FHIT: variants seen among roughly 807,000 people sequenced by gnomAD.
The protein encoded by FHIT is fragile histidine triad diadenosine triphosphatase.
In FHIT, 19 loss-of-function variants were observed where a neutral mutation model predicts 17.9. The observed-to-expected ratio is 1.06, with a 90% CI of 0.74 to 1.56. FHIT has a LOEUF of 1.56. Ranked by LOEUF, FHIT falls within the 40% of genes most tolerant of loss-of-function variation. The pLI is 0.00. For synonymous variants in FHIT, 81 were observed against 69.7 expected (o/e 1.16, Z -0.81); for missense variants, 248 against 189.2 (o/e 1.31, Z -1.82).
intron 4 of FHIT, among the ~76,000 whole-genome samples, chr3:60,704,015 C>T (rs1488814867): frequency 2.0e-5 from 3 of 151,820 alleles, no homozygotes; most frequent in African/African-American, 4.8e-5. Flanking sequence ...TCTAGCCGTA[C>T]CAGTATTGAT....
At chr3:60,658,883 G>A (rs1553690337) in intron 4 of FHIT, among the ~76,000 whole-genome samples, 1 of 151,070 alleles carries the variant, frequency 6.6e-6, no homozygotes, top group African/African-American at 2.4e-5. Context: ...GTTACTATTA[G>A]TGTCCTTTCA....
intron 5 of FHIT, among the ~76,000 whole-genome samples, chr3:60,344,793 T>C (rs1182970102): frequency 3.3e-5 from 5 of 152,142 alleles, no homozygotes; most frequent in African/African-American, 1.2e-4. Context: ...CTTTGGAAAC[T>C]GGTATCAAAT....
At position 60,800,139 on chromosome 3, in the gene FHIT, G is replaced by C. The variant is rs1027267845; in HGVS notation, c.-18+21780C>G. Among the ~76,000 whole-genome samples the C allele has an allele frequency of 2.0e-5, 3 of 152,116 alleles. No homozygotes were observed. In the East Asian group the frequency reaches 5.8e-4, roughly 29 times the overall value. ...CCCACTCAGATCCTTTATTCATGCT[G>C]TATTTCCAAGCTGAATTTCCTTCCC... On this transcript the variant is annotated intron_variant, in intron 4 of 9. Transcript: ENST00000492590.
intron 5 of FHIT, among the ~76,000 whole-genome samples, chr3:60,501,163 T>C (rs1355690030): frequency 1.3e-5 from 2 of 152,206 alleles, no homozygotes; most frequent in Non-Finnish European, 2.9e-5. Flanking sequence ...CAAGCCATTC[T>C]GTAAAATAGG....
intron 3 of FHIT, among the ~76,000 whole-genome samples, chr3:60,911,012 G>A (rs182496684): frequency 1.3e-5 from 2 of 152,232 alleles, no homozygotes; most frequent in East Asian, 3.9e-4. Context: ...TAAAGTCATG[G>A]CTCGTAACTT....
At chr3:60,554,255 GAACA>G (rs2036668284) in intron 4 of FHIT, among the ~76,000 whole-genome samples, 3 of 142,702 alleles carry the variant, frequency 2.1e-5, no homozygotes, top group Non-Finnish European at 4.6e-5. Flanking sequence ...AAAAAAAAAA[GAACA>G]AACAAAACGA....
chr3:60,088,441 T>C (rs1165471325), intron 5 of FHIT, among the ~76,000 whole-genome samples: 2 of 152,174 alleles, frequency 1.3e-5, no homozygotes, highest in East Asian at 3.9e-4. Flanking sequence ...CTTACTTCTT[T>C]CCAAGAAACC....
intron 4 of FHIT, among the ~76,000 whole-genome samples, chr3:60,602,288 A>G (rs2038468596): frequency 6.6e-6 from 1 of 152,172 alleles, no homozygotes; most frequent in Admixed American, 6.6e-5. Flanking sequence ...GAAGAAAGCA[A>G]GTCAATTACA....
At chr3:60,725,939 A>C (rs782722381) in intron 4 of FHIT, among the ~76,000 whole-genome samples, 12 of 152,186 alleles carry the variant, frequency 7.9e-5, no homozygotes, top group Non-Finnish European at 1.8e-4. Context: ...TGATGTAAAA[A>C]AATTTTCCTT....
intron 8 of FHIT, among the ~76,000 whole-genome samples, chr3:59,821,755 TAA>T (rs915084587): frequency 2.0e-5 from 3 of 151,976 alleles, no homozygotes; most frequent in South Asian, 2.1e-4. Context: ...AGTTTTTTTT[TAA>T]AAAAAATATA....
intron 2 of FHIT, among the ~76,000 whole-genome samples, chr3:61,179,533 G>C (rs1325651146): frequency 3.3e-5 from 5 of 151,554 alleles, no homozygotes; most frequent in African/African-American, 1.2e-4. Context: ...ACAATAATGA[G>C]ACTCTGTCTC....
intron 5 of FHIT, among the ~76,000 whole-genome samples, chr3:60,131,825 TC>T (rs1426477131): frequency 6.6e-6 from 1 of 152,004 alleles, no homozygotes; most frequent in Admixed American, 6.6e-5. Context: ...TGCTTTCCTA[TC>T]TCTTCTCAAA....
intron 5 of FHIT, among the ~76,000 whole-genome samples, chr3:60,201,342 C>T (rs965211624): frequency 1.3e-5 from 2 of 151,910 alleles, no homozygotes; most frequent in Admixed American, 1.3e-4. Context: ...CCAATACAAA[C>T]CACAATACTA....
At chr3:60,760,104 C>T (rs1699589883) in intron 4 of FHIT, among the ~76,000 whole-genome samples, 1 of 150,930 alleles carries the variant, frequency 6.6e-6, no homozygotes, top group South Asian at 2.1e-4. Context: ...TTTCTCTCTC[C>T]TTTCGTTCTT....
At chr3:60,518,796 G>A (rs13095523) in intron 5 of FHIT, among the ~76,000 whole-genome samples, 27,823 of 152,074 alleles carry the variant, frequency 0.18, 2,865 homozygotes, top group African/African-American at 0.26. Flanking sequence ...ATTGCTTGAG[G>A]CCAGGAGTTT....
chr3:60,032,445 G>A (rs559469566), intron 5 of FHIT, among the ~76,000 whole-genome samples: 70 of 100,938 alleles, frequency 6.9e-4, no homozygotes, highest in South Asian at 2.1e-3. Flanking sequence ...GAGCAAGACC[G>A]TACCTTGAAA....
intron 5 of FHIT, among the ~76,000 whole-genome samples, chr3:60,149,694 A>G (rs1399836982): frequency 1.3e-5 from 2 of 151,938 alleles, no homozygotes; most frequent in East Asian, 1.9e-4. Flanking sequence ...CTCTCAGTCT[A>G]TAAGGTCGCA....
chr3:60,501,846 T>C (rs1161366986), intron 5 of FHIT, among the ~76,000 whole-genome samples: 1 of 152,242 alleles, frequency 6.6e-6, no homozygotes, highest in East Asian at 1.9e-4. Context: ...GTATATTACG[T>C]GCATACACAT....
intron 5 of FHIT, among the ~76,000 whole-genome samples, chr3:60,197,743 A>G (rs1421065737): frequency 6.6e-6 from 1 of 152,026 alleles, no homozygotes; most frequent in African/African-American, 2.4e-5. Context: ...AATCTGAAAA[A>G]CCTTTGTACA....
Sources: gnomAD v4.1 joint callset for allele counts (sites outside exome capture counted in the v4.1 genomes callset) on GRCh38, gnomAD v4.1.1 for gene constraint, MANE v1.5 for transcripts, NCBI Gene and HGNC (gene_info 2026-07-23, HGNC 2026-07-21) for gene names.